DLG2: variants seen among roughly 807,000 people sequenced by gnomAD.
DLG2 encodes disks large homolog 2.
In DLG2, 45 loss-of-function variants were observed where a neutral mutation model predicts 132.5. That is an observed-to-expected ratio of 0.34 (90% CI 0.27 to 0.44). DLG2 has a LOEUF of 0.44. Ranked by LOEUF, DLG2 falls within the 20% of genes least tolerant of loss-of-function variation. The pLI is 1.00. For missense variants in DLG2, 1,045 were observed against 1,196.9 expected, an observed-to-expected ratio of 0.87 and a Z score of 1.87; for synonymous variants, 424 against 419.6, an observed-to-expected ratio of 1.01 and a Z score of -0.13.
chr11:84,163,423 A>T, intron 9 of DLG2, 38 bp downstream of exon 9: 1 of 1,547,502 alleles, frequency 6.5e-7, no homozygotes, highest in Non-Finnish European at 8.8e-7. Flanking sequence ...TGTGAAATGC[A>T]AGATTGGGGC....
chr11:84,281,971 G>C (rs1309163997), intron 7 of DLG2, among the ~76,000 whole-genome samples: 2 of 152,030 alleles, frequency 1.3e-5, no homozygotes, highest in African/African-American at 4.8e-5. Flanking sequence ...TTTTTCTTAA[G>C]TTAAATATGT....
chr11:83,735,160 C>T (rs1048109797), intron 18 of DLG2, among the ~76,000 whole-genome samples: 1 of 152,088 alleles, frequency 6.6e-6, no homozygotes, highest in Admixed American at 6.5e-5. Context: ...AAGGTGAGGG[C>T]ATCACAATCA....
chr11:83,633,365 C>G, intron 18 of DLG2, 40 bp from the exon 19 acceptor site: 1 of 1,562,968 alleles, frequency 6.4e-7, no homozygotes, highest in Non-Finnish European at 8.8e-7. Flanking sequence ...TGCTCTGTGC[C>G]CTCAAGAGTT....
intron 6 of DLG2, among the ~76,000 whole-genome samples, chr11:84,845,938 G>A (rs1412581333): frequency 1.3e-5 from 2 of 151,998 alleles, no homozygotes; most frequent in African/African-American, 4.8e-5. Context: ...CCAAAGTGCT[G>A]AGATTACAGG....
intron 11 of DLG2, among the ~76,000 whole-genome samples, chr11:84,035,017 T>C (rs143273070): frequency 2.6e-5 from 4 of 152,242 alleles, no homozygotes; most frequent in East Asian, 1.9e-4. Flanking sequence ...GGAGCTTCCC[T>C]GTAGAACAAG....
intron 14 of DLG2, among the ~76,000 whole-genome samples, chr11:83,956,870 A>G (rs1360527713): frequency 6.6e-6 from 1 of 152,220 alleles, no homozygotes; most frequent in African/African-American, 2.4e-5. Flanking sequence ...AAACACAATT[A>G]ATAATTGGCA....
intron 14 of DLG2, among the ~76,000 whole-genome samples, chr11:83,959,352 T>C (rs1209516950): frequency 6.6e-6 from 1 of 152,134 alleles, no homozygotes; most frequent in Non-Finnish European, 1.5e-5. Flanking sequence ...GATTAAGATA[T>C]GAATACATGG....
chr11:83,962,178 T>C (rs11233860), intron 14 of DLG2, among the ~76,000 whole-genome samples: 20,553 of 152,074 alleles, frequency 0.14, 1,736 homozygotes, highest in African/African-American at 0.22. Context: ...CACATATGTA[T>C]ACATGTAATC....
chr11:83,866,980 T>C (rs762547560), intron 16 of DLG2, among the ~76,000 whole-genome samples: 3 of 152,206 alleles, frequency 2.0e-5, no homozygotes, highest in Non-Finnish European at 4.4e-5. Flanking sequence ...TTTTTTCTAA[T>C]TCGGTACATT....
At chr11:84,775,535 C>T (rs1416499670) in intron 6 of DLG2, among the ~76,000 whole-genome samples, 1 of 151,962 alleles carries the variant, frequency 6.6e-6, no homozygotes, top group Admixed American at 6.6e-5. Flanking sequence ...CCATCAATGC[C>T]GGACTGGATA....
In DLG2 at chr11:83,900,329, G is replaced by A. The variant is rs535332170; in HGVS notation, c.1497-25841C>T. ...TGCAGAAATGTGCATAAGTAATGAGGAGCTGAATGTTAATCCCTAAGAAAA... is the reference window on the plus strand; with the variant it reads ...TGCAGAAATGTGCATAAGTAATGAGAAGCTGAATGTTAATCCCTAAGAAAA... On this transcript the variant is annotated intron_variant, in intron 15 of 27. Transcript: ENST00000376104. 8.5e-5 allele frequency among the ~76,000 whole-genome samples: 13 copies of A among 152,276 alleles called. No homozygotes were observed. The South Asian group carries it at 2.7e-3, about 32-fold the overall frequency.
At chr11:83,995,598 A>G (rs1339860504) in intron 11 of DLG2, among the ~76,000 whole-genome samples, 1 of 152,208 alleles carries the variant, frequency 6.6e-6, no homozygotes. Flanking sequence ...TAGTAACCAA[A>G]ACAGTATGAT....
At chr11:84,825,921 C>G (rs2078273199) in intron 6 of DLG2, among the ~76,000 whole-genome samples, 1 of 151,826 alleles carries the variant, frequency 6.6e-6, no homozygotes, top group African/African-American at 2.4e-5. Flanking sequence ...TCCCTTATCT[C>G]AGCATCTCCA....
At chr11:84,218,969 G>A (rs2096877030) in intron 8 of DLG2, among the ~76,000 whole-genome samples, 1 of 152,102 alleles carries the variant, frequency 6.6e-6, no homozygotes. Flanking sequence ...TGAAATTATG[G>A]GGTTTATTAT....
intron 6 of DLG2, among the ~76,000 whole-genome samples, chr11:84,570,454 C>G (rs1565330727): frequency 6.6e-6 from 1 of 152,124 alleles, no homozygotes; most frequent in African/African-American, 2.4e-5. Flanking sequence ...TCTCTCCTCT[C>G]TAAATTGTGA....
At chr11:84,812,703 C>G (rs528108488) in intron 6 of DLG2, among the ~76,000 whole-genome samples, 2 of 152,102 alleles carry the variant, frequency 1.3e-5, no homozygotes, top group Non-Finnish European at 2.9e-5. Context: ...TTCTTTAAAA[C>G]AACATTGACT....
intron 8 of DLG2, among the ~76,000 whole-genome samples, chr11:84,240,789 T>G (rs1329435269): frequency 6.6e-6 from 1 of 152,194 alleles, no homozygotes; most frequent in Admixed American, 6.5e-5. Flanking sequence ...TTGGCTTTAT[T>G]CAAAATATGT....
At position 83,484,304 on chromosome 11, in the gene DLG2, A is replaced by C. The variant is rs945364125; in HGVS notation, c.2194-76T>G. 4 of 1,046,446 alleles carry C rather than the reference A, an allele frequency of 3.8e-6. No homozygotes were observed. The African/African-American group carries it at 6.4e-5, about 17-fold the overall frequency. 64.8% of individuals were successfully genotyped at this position (1,046,446 alleles called of 1,614,324 possible). On this transcript the variant is annotated intron_variant, in intron 21 of 27. Coordinates refer to ENST00000376104, the MANE Select transcript of DLG2 (RefSeq NM_001142699.3). Reference sequence around the variant, plus strand: ...TCACACTCATGCTGACAAAACAACTAGTTTGTAAAAGCACAGAGAGCTGTA... The same window carrying C: ...TCACACTCATGCTGACAAAACAACTCGTTTGTAAAAGCACAGAGAGCTGTA...
At chr11:83,472,665 C>A (rs2092199596) in intron 23 of DLG2, 62 bp downstream of exon 23, 1 of 1,462,922 alleles carries the variant, frequency 6.8e-7, no homozygotes. Flanking sequence ...TCTTTCCCTC[C>A]TTCAATGATG....
Sources: gnomAD v4.1 joint callset for allele counts (sites outside exome capture counted in the v4.1 genomes callset) on GRCh38, gnomAD v4.1.1 for gene constraint, MANE v1.5 for transcripts, NCBI Gene and HGNC (gene_info 2026-07-23, HGNC 2026-07-21) for gene names.